Variants in NRXN1 observed in about 807,000 individuals in gnomAD.
NRXN1 encodes the protein neurexin 1.
In NRXN1, 39 loss-of-function variants were observed where a neutral mutation model predicts 150.9. The observed-to-expected ratio is 0.26, with a 90% CI of 0.20 to 0.34. NRXN1 has a LOEUF of 0.34. NRXN1 is among the 10% of genes least tolerant of loss of function. The probability of loss-of-function intolerance (pLI) is 1.00; values close to 1 mark genes in which losing one functional copy is unlikely to be tolerated. For missense variants in NRXN1, 1,815 were observed against 1,949.9 expected (o/e 0.93, Z 1.30); for synonymous variants, 924 against 757.0 (o/e 1.22, Z -3.62).
intron 22 of NRXN1, among the ~76,000 whole-genome samples, chr2:49,942,331 TG>T (rs1672125263): frequency 6.6e-6 from 1 of 152,182 alleles, no homozygotes; most frequent in African/African-American, 2.4e-5. Flanking sequence ...ACTCAGCAGC[TG>T]CTCTCTAAGC....
chr2:50,410,426 T>C (rs545384978), intron 17 of NRXN1, among the ~76,000 whole-genome samples: 3 of 152,350 alleles, frequency 2.0e-5, no homozygotes, highest in African/African-American at 7.2e-5. Flanking sequence ...CTCAGAAGTA[T>C]GCAGGATGTC....
intron 18 of NRXN1, among the ~76,000 whole-genome samples, chr2:50,202,081 T>C (rs1286615967): frequency 2.0e-5 from 3 of 152,206 alleles, no homozygotes; most frequent in Non-Finnish European, 2.9e-5. Context: ...GGGAAACACA[T>C]TTGTTCACAT....
rs565141962 is a variant in NRXN1, at chr2:50,763,762, C to T, written c.833-140147G>A. On this transcript the variant is annotated intron_variant, in intron 5 of 22. Coordinates refer to ENST00000401669, the MANE Select transcript of NRXN1 (RefSeq NM_001330078.2). ...AAAGTCAGTTATGAGATCTCCCATA[C>T]AGAGTAATGAAAAAGCCTGTAACAG... is the stretch of plus-strand genomic sequence containing the variant. Among the ~76,000 whole-genome samples, 5 of 152,048 alleles carry T rather than the reference C, an allele frequency of 3.3e-5. No individual in the cohort carries two copies. In the South Asian group the frequency reaches 1.0e-3, roughly 31 times the overall value.
chr2:51,015,717 A>G (rs996623994), intron 2 of NRXN1, among the ~76,000 whole-genome samples: 3 of 152,116 alleles, frequency 2.0e-5, no homozygotes, highest in African/African-American at 4.8e-5. Flanking sequence ...GAAGAAAGAC[A>G]TATTTTAATC....
At chr2:50,782,700 G>C (rs34591327) in intron 5 of NRXN1, among the ~76,000 whole-genome samples, 17,753 of 152,168 alleles carry the variant, frequency 0.12, 1,345 homozygotes, top group East Asian at 0.3. Flanking sequence ...ATATTTGTGG[G>C]GGGCAGCAGA....
intron 5 of NRXN1, among the ~76,000 whole-genome samples, chr2:50,773,979 A>G (rs1703309713): frequency 6.6e-6 from 1 of 152,120 alleles, no homozygotes; most frequent in Non-Finnish European, 1.5e-5. Flanking sequence ...TACCTAGTAA[A>G]GCAACCCCCA....
chr2:50,274,290 A>C (rs1218922226), intron 17 of NRXN1, among the ~76,000 whole-genome samples: 1 of 152,096 alleles, frequency 6.6e-6, no homozygotes, highest in South Asian at 2.1e-4. Context: ...GCTAACTAAC[A>C]CAGGAACAGG....
At chr2:50,934,548 T>A (rs906239341) in intron 2 of NRXN1, among the ~76,000 whole-genome samples, 4 of 152,186 alleles carry the variant, frequency 2.6e-5, no homozygotes, top group African/African-American at 9.6e-5. Context: ...AATAGCCACA[T>A]GTAGCCACTG....
chr2:50,022,737 T>C (rs189630907), intron 21 of NRXN1: 1 of 152,376 alleles, frequency 6.6e-6, no homozygotes, highest in East Asian at 1.9e-4. Context: ...CAAAAAGAGA[T>C]GTTTTGTATT....
chr2:50,592,464 C>G (rs946184097), intron 8 of NRXN1, among the ~76,000 whole-genome samples: 14 of 152,184 alleles, frequency 9.2e-5, no homozygotes, highest in Non-Finnish European at 1.9e-4. Context: ...AGCTGAGAGA[C>G]AGTCCCTCTG....
At chr2:50,468,017 A>C (rs965391366) in intron 16 of NRXN1, among the ~76,000 whole-genome samples, 3 of 151,624 alleles carry the variant, frequency 2.0e-5, no homozygotes, top group Non-Finnish European at 4.4e-5. Context: ...AAAATCTCTC[A>C]AAGCAATATT....
intron 18 of NRXN1, among the ~76,000 whole-genome samples, chr2:50,194,197 T>C (rs2061614929): frequency 6.6e-6 from 1 of 151,486 alleles, no homozygotes; most frequent in South Asian, 2.1e-4. Context: ...GTGACTAATA[T>C]TCACTTGAAT....
At chr2:50,860,814 A>G (rs1269239954) in intron 5 of NRXN1, among the ~76,000 whole-genome samples, 2 of 152,136 alleles carry the variant, frequency 1.3e-5, no homozygotes, top group African/African-American at 2.4e-5. Flanking sequence ...GTAGAATCTA[A>G]GACTAAAGTG....
chr2:50,197,166 G>A (rs776882901), intron 18 of NRXN1, among the ~76,000 whole-genome samples: 15 of 152,006 alleles, frequency 9.9e-5, no homozygotes, highest in African/African-American at 2.7e-4. Context: ...GATTTCAAAG[G>A]AAACTATACT....
At chr2:50,698,630 T>C (rs1693274082) in intron 5 of NRXN1, among the ~76,000 whole-genome samples, 1 of 152,172 alleles carries the variant, frequency 6.6e-6, no homozygotes, top group Non-Finnish European at 1.5e-5. Flanking sequence ...AAACATAAAC[T>C]TCTCAGAGGT....
intron 17 of NRXN1, among the ~76,000 whole-genome samples, chr2:50,456,978 G>T (rs2087632159): frequency 6.6e-6 from 1 of 152,058 alleles, no homozygotes; most frequent in African/African-American, 2.4e-5. Context: ...CCACTATACA[G>T]ATTGTGAATC....
chr2:50,294,729 T>C (rs1170495489), intron 17 of NRXN1, among the ~76,000 whole-genome samples: 1 of 152,188 alleles, frequency 6.6e-6, no homozygotes, highest in Admixed American at 6.5e-5. Flanking sequence ...CTGATCCATG[T>C]TGTTTGATGA....
At chr2:50,107,142 A>G (rs979993946) in intron 18 of NRXN1, among the ~76,000 whole-genome samples, 2 of 152,002 alleles carry the variant, frequency 1.3e-5, no homozygotes, top group Non-Finnish European at 2.9e-5. Flanking sequence ...GCGGCATTCC[A>G]CATACAGATT....
chr2:50,111,545 A>G (rs1447555126), intron 18 of NRXN1, among the ~76,000 whole-genome samples: 2 of 152,022 alleles, frequency 1.3e-5, no homozygotes, highest in African/African-American at 4.8e-5. Flanking sequence ...GGACTGAAGC[A>G]GGAGAATAGC....
Sources: allele counts gnomAD v4.1 joint callset (sites outside exome capture counted in the v4.1 genomes callset), GRCh38; gene constraint gnomAD v4.1.1; transcripts MANE v1.5; gene names NCBI Gene and HGNC (gene_info 2026-07-23, HGNC 2026-07-21).